SPATA6L: variants seen among roughly 807,000 people sequenced by gnomAD.
SPATA6L encodes spermatogenesis associated 6-like protein.
In SPATA6L, 68 loss-of-function variants were observed where a neutral mutation model predicts 49.2. That is an observed-to-expected ratio of 1.38 (90% CI 1.14 to 1.69). The LOEUF (loss-of-function observed/expected upper bound fraction) is 1.69. SPATA6L is among the 40% of genes most tolerant of loss of function. The pLI, the probability that SPATA6L is intolerant of heterozygous loss-of-function variation, is 0.00. For synonymous variants in SPATA6L, 198 were observed against 165.7 expected, an observed-to-expected ratio of 1.19 and a Z score of -1.50; for missense variants, 668 against 464.3, an observed-to-expected ratio of 1.44 and a Z score of -4.03.
chr9:4,597,498 A>G (rs1002998643), downstream of SPATA6L, among the ~76,000 whole-genome samples: 1 of 152,142 alleles, frequency 6.6e-6, no homozygotes, highest in African/African-American at 2.4e-5. Flanking sequence ...AGCCATCAAG[A>G]AAAGGACCCA....
rs80226634 is a variant in SPATA6L, at chr9:4,600,624, C to A, written c.*187G>T. 2 of 152,160 alleles carry A rather than the reference C, an allele frequency of 1.3e-5. No individual in the cohort carries two copies. The highest frequency in any genetic ancestry group is 2.9e-5 in the Non-Finnish European group (2 of 68,036). The allele number at this position is 152,160 out of a possible 1,614,324, so 9.4% of individuals were successfully genotyped here. ...TGACAAGAAAATGTTAGCCCCCAAA[C>A]AGCAAACACTTTAATCAACAACTCT... On this transcript the variant is annotated 3_prime_UTR_variant, in exon 12 of 12. Transcript: ENST00000682582.
rs1324254838 is a variant in SPATA6L, at chr9:4,599,697, C to G, written c.*1114G>C. ...TCTCCTCGCCAGTGGAAGGGGCAAA[C>G]GAGCTCCCTTGAGCCTATTTATAGG... On this transcript the variant is annotated 3_prime_UTR_variant, in exon 12 of 12. Coordinates refer to ENST00000682582, the MANE Select transcript of SPATA6L (RefSeq NM_001353486.2). Among the ~76,000 whole-genome samples, 2 of 152,182 alleles carry G rather than the reference C, an allele frequency of 1.3e-5. No homozygotes were observed. Among genetic ancestry groups the G allele is most frequent in the African/African-American group, 4.8e-5 (2 of 41,442 alleles).
In SPATA6L at chr9:4,662,518, C is replaced by T. The variant is rs763459517; in HGVS notation, c.40-482G>A. The T allele has an allele frequency of 6.4e-7, 1 of 1,561,136 alleles. No homozygotes were observed. On this transcript the variant is annotated intron_variant, in intron 1 of 11. Coordinates refer to ENST00000682582, the MANE Select transcript of SPATA6L (RefSeq NM_001353486.2). This position sits in a 1 kb window ranked among gnomAD's most constrained non-coding sequence, Gnocchi z 4.9. ...TTCCAGTCCCTGCTCAGCAGCCGCGCCACGGCCGTGGACCCCACCTGCGCC... is the reference window on the plus strand; with the variant it reads ...TTCCAGTCCCTGCTCAGCAGCCGCGTCACGGCCGTGGACCCCACCTGCGCC...
At chr9:4,641,290 G>A (rs1833981543) in intron 3 of SPATA6L, among the ~76,000 whole-genome samples, 1 of 152,098 alleles carries the variant, frequency 6.6e-6, no homozygotes, top group Admixed American at 6.5e-5. Flanking sequence ...ACAGGAGGTT[G>A]GTTTCAGGAA....
intron 11 of SPATA6L, among the ~76,000 whole-genome samples, chr9:4,602,273 T>G (rs1176482251): frequency 6.6e-6 from 1 of 152,194 alleles, no homozygotes; most frequent in Non-Finnish European, 1.5e-5. Flanking sequence ...GATAATCATG[T>G]GGGCTATGTT....
In SPATA6L at chr9:4,655,906, T is replaced by G. The variant is rs946979613; in HGVS notation, c.226+135A>C. On this transcript the variant is annotated intron_variant, in intron 3 of 11. Coordinates refer to ENST00000682582, the MANE Select transcript of SPATA6L (RefSeq NM_001353486.2). ...AACAGAATCAAAAATGTGATTCAAA[T>G]TTTACGTAGGCTGTCTTGAAATAAA... The G allele has an allele frequency of 1.1e-5, 8 of 740,722 alleles. No homozygotes were observed. The African/African-American group carries it at 1.4e-4, about 13-fold the overall frequency. The allele number at this position is 740,722 out of a possible 1,614,324, so 45.9% of individuals were successfully genotyped here.
chr9:4,616,506 C>T (rs1828042620), intron 9 of SPATA6L, among the ~76,000 whole-genome samples: 1 of 152,136 alleles, frequency 6.6e-6, no homozygotes, highest in African/African-American at 2.4e-5. Flanking sequence ...AAGCATAAGA[C>T]AGGAGGGGAC....
rs896297711 is a variant in SPATA6L at position 4,648,496 on chromosome 9, G to C, written c.226+7545C>G. ...GGGCGGATCACAAGGTCAGGAGATC[G>C]AGACCATCCTGGTCTAACTCGGTGA... On this transcript the variant is annotated intron_variant, in intron 3 of 11. Coordinates refer to ENST00000682582, the MANE Select transcript of SPATA6L (RefSeq NM_001353486.2). Among the ~76,000 whole-genome samples, 3 of 150,058 alleles carry C rather than the reference G, an allele frequency of 2.0e-5. No homozygotes were observed. The Middle Eastern group carries it at 0.011, about 536-fold the overall frequency.
chr9:4,597,297 T>C (rs758065593), downstream of SPATA6L, among the ~76,000 whole-genome samples: 6 of 150,308 alleles, frequency 4.0e-5, no homozygotes, highest in Non-Finnish European at 5.9e-5. Context: ...ATTTTTTATA[T>C]ATATAAAAAA....
intron 3 of SPATA6L, among the ~76,000 whole-genome samples, chr9:4,638,258 C>G (rs908858732): frequency 1.3e-5 from 2 of 152,156 alleles, no homozygotes; most frequent in Non-Finnish European, 2.9e-5. Flanking sequence ...ATTGCCCAGA[C>G]TGGAGTGCAG....
chr9:4,610,165 G>C (rs1223312167), intron 9 of SPATA6L, among the ~76,000 whole-genome samples: 2 of 151,930 alleles, frequency 1.3e-5, no homozygotes, highest in Non-Finnish European at 1.5e-5. Context: ...ACAAATGGAA[G>C]AACATTCCAT....
At chr9:4,642,503 G>A (rs141376966) in intron 3 of SPATA6L, among the ~76,000 whole-genome samples, 52 of 152,180 alleles carry the variant, frequency 3.4e-4, no homozygotes, top group African/African-American at 1.1e-3. Context: ...TGTCTCCAGC[G>A]GCAGCCTTTG....
chr9:4,600,532 C>T lies in SPATA6L; in HGVS notation c.*279G>A, dbSNP rs1822985977. The T allele has an allele frequency of 9.3e-6, 1 of 107,270 alleles. No individual in the cohort carries two copies. The highest frequency in any genetic ancestry group is 2.3e-5 in the Non-Finnish European group (1 of 44,066). 6.6% of individuals were successfully genotyped at this position (107,270 alleles called of 1,614,324 possible). On this transcript the variant is annotated 3_prime_UTR_variant, in exon 12 of 12. Transcript: ENST00000682582. The stretch of plus-strand genomic sequence containing the variant: ...GGGGAAGTGTTCAGATAAGCACCTG[C>T]CACCCAACTACAGCGCTTTCTCTTT...
chr9:4,629,769 G>GTGTGTGTGTATATATATATATATA (rs1311805859), intron 4 of SPATA6L, among the ~76,000 whole-genome samples: 139 of 101,868 alleles, frequency 1.4e-3, no homozygotes, highest in East Asian at 3.5e-3. Flanking sequence ...GTGTGTGTGT[G>GTGTGTGTGTATATATATATATATA]TATATATATA....
intron 2 of SPATA6L, among the ~76,000 whole-genome samples, chr9:4,657,990 G>A (rs1016822254): frequency 1.3e-5 from 2 of 151,994 alleles, no homozygotes; most frequent in Non-Finnish European, 2.9e-5. Flanking sequence ...CAGAGTGAAT[G>A]CCGTGTAAAT....
At chr9:4,592,777 C>T (rs957294129) in intron 13 of SPATA6L, among the ~76,000 whole-genome samples, 1 of 152,040 alleles carries the variant, frequency 6.6e-6, no homozygotes, top group Non-Finnish European at 1.5e-5. Context: ...TTATCATATC[C>T]CCCAAAATAA....
In SPATA6L at chr9:4,617,912, T is replaced by C; in HGVS notation, c.995+11A>G. ...ACTCGTCAGGCAAACAGATGGGTGC[T>C]TGCCACTGACCTTTCTCTGAGAAGG... On this transcript the variant is annotated intron_variant, in intron 9 of 11. Coordinates refer to ENST00000682582, the MANE Select transcript of SPATA6L (RefSeq NM_001353486.2). 3.1e-6 allele frequency: 5 copies of C among 1,593,352 alleles called. No individual in the cohort carries two copies. Among genetic ancestry groups the C allele is most frequent in the Non-Finnish European group, 4.3e-6 (5 of 1,167,784 alleles).
At chr9:4,617,169 G>T (rs1476635186) in intron 9 of SPATA6L, among the ~76,000 whole-genome samples, 1 of 152,140 alleles carries the variant, frequency 6.6e-6, no homozygotes, top group African/African-American at 2.4e-5. Flanking sequence ...GAGCAATTGC[G>T]TTATTTTGGT....
In SPATA6L at chr9:4,598,381, A is replaced by G. The variant is rs1374452378; in HGVS notation, c.*2430T>C. On this transcript the variant is annotated 3_prime_UTR_variant, in exon 12 of 12. Coordinates refer to ENST00000682582, the MANE Select transcript of SPATA6L (RefSeq NM_001353486.2). ...AATCCAAACCCCAAAACATCACAAAATTATTCATACTATTATACACTCCAA... is the reference window on the plus strand; with the variant it reads ...AATCCAAACCCCAAAACATCACAAAGTTATTCATACTATTATACACTCCAA... 6.6e-6 allele frequency among the ~76,000 whole-genome samples: 1 copy of G among 152,218 alleles called. No individual in the cohort carries two copies. Among genetic ancestry groups the G allele is most frequent in the Non-Finnish European group, 1.5e-5 (1 of 68,038 alleles).
Sources: allele counts gnomAD v4.1 joint callset (sites outside exome capture counted in the v4.1 genomes callset), GRCh38; gene constraint gnomAD v4.1.1; non-coding constraint Gnocchi (gnomAD v3.1); transcripts MANE v1.5; gene names NCBI Gene and HGNC (gene_info 2026-07-23, HGNC 2026-07-21).